Variants in UBE2G1 observed in about 807,000 individuals in gnomAD.
The protein encoded by UBE2G1 is ubiquitin-conjugating enzyme E2 G1.
A neutral mutation model predicts 22.7 loss-of-function variants in UBE2G1; 5 were observed. The ratio of observed to expected loss-of-function variants is 0.22; its 90% CI spans 0.12 to 0.46. The LOEUF (loss-of-function observed/expected upper bound fraction) is 0.46, where lower values mean the gene tolerates loss of function less well. Ranked by LOEUF, UBE2G1 falls within the 20% of genes least tolerant of loss-of-function variation. The pLI, the probability that UBE2G1 is intolerant of heterozygous loss-of-function variation, is 0.99. For synonymous variants in UBE2G1, 74 were observed against 67.5 expected, an observed-to-expected ratio of 1.10 and a Z score of -0.47; for missense variants, 88 against 203.9, an observed-to-expected ratio of 0.43 and a Z score of 3.46.
chr17:4,292,782 AAACT>A (rs1381685762), intron 3 of UBE2G1, among the ~76,000 whole-genome samples: 1 of 152,226 alleles, frequency 6.6e-6, no homozygotes, highest in African/African-American at 2.4e-5. Flanking sequence ...TTCCGTAGGA[AAACT>A]AACCCATTCA....
intron 1 of UBE2G1, among the ~76,000 whole-genome samples, chr17:4,363,518 A>G (rs1416000191): frequency 6.6e-6 from 1 of 152,232 alleles, no homozygotes; most frequent in Non-Finnish European, 1.5e-5. Flanking sequence ...CCAGATGACC[A>G]TCAAAATCTA....
intron 2 of UBE2G1, chr17:4,302,099 G>A (rs935664642): frequency 3.8e-6 from 2 of 524,654 alleles, no homozygotes; most frequent in African/African-American, 3.9e-5. Flanking sequence ...CCTTACCCCT[G>A]TGGCTCATAT....
chr17:4,356,357 A>C (rs1394028526), intron 1 of UBE2G1, among the ~76,000 whole-genome samples: 2 of 150,466 alleles, frequency 1.3e-5, no homozygotes, highest in Non-Finnish European at 3.0e-5. Flanking sequence ...AAACTGTCTC[A>C]AAAAAAAAAT....
At chr17:4,365,616 C>A (rs1036232430) in intron 1 of UBE2G1, among the ~76,000 whole-genome samples, 4 of 152,056 alleles carry the variant, frequency 2.6e-5, no homozygotes, top group African/African-American at 7.2e-5. Flanking sequence ...CTCCTACCCT[C>A]CCCCAGCCGG....
At chr17:4,324,709 T>C (rs563719877) in intron 1 of UBE2G1, among the ~76,000 whole-genome samples, 76 of 152,118 alleles carry the variant, frequency 5.0e-4, no homozygotes, top group Middle Eastern at 3.4e-3. Flanking sequence ...TGAGCCACCA[T>C]GTCCAGCCAG....
At chr17:4,304,455 T>A (rs764811307) in intron 2 of UBE2G1, among the ~76,000 whole-genome samples, 47 of 152,292 alleles carry the variant, frequency 3.1e-4, no homozygotes, top group South Asian at 6.2e-4. Flanking sequence ...TAGGGACTAC[T>A]GCACTGGAAA....
At chr17:4,340,478 T>C (rs1017948097) in intron 1 of UBE2G1, among the ~76,000 whole-genome samples, 3 of 152,300 alleles carry the variant, frequency 2.0e-5, no homozygotes, top group East Asian at 3.9e-4. Context: ...AGGGACCTCA[T>C]GGGCTGTGAT....
chr17:4,361,428 G>A (rs1431323787), intron 1 of UBE2G1, among the ~76,000 whole-genome samples: 4 of 151,926 alleles, frequency 2.6e-5, no homozygotes, highest in African/African-American at 9.7e-5. Context: ...TACAGAGACT[G>A]AGGCAAGATA....
intron 1 of UBE2G1, among the ~76,000 whole-genome samples, chr17:4,316,848 G>GCC (rs1190000335): frequency 1.3e-5 from 2 of 151,202 alleles, no homozygotes; most frequent in African/African-American, 2.4e-5. Context: ...GCTGAGTCAG[G>GCC]AGGACTGTTT....
At chr17:4,301,723 G>A (rs1969182345) in intron 2 of UBE2G1, 8 of 665,594 alleles carry the variant, frequency 1.2e-5, no homozygotes, top group Non-Finnish European at 2.3e-5. Context: ...AAAGACTTGT[G>A]TTTGGATTGG....
At chr17:4,288,838 CA>C (rs1969001202) in intron 4 of UBE2G1, among the ~76,000 whole-genome samples, 1 of 152,052 alleles carries the variant, frequency 6.6e-6, no homozygotes, top group African/African-American at 2.4e-5. Flanking sequence ...TTAGCCATTC[CA>C]CAACATATCC....
chr17:4,365,040 T>A (rs1228979821), intron 1 of UBE2G1, among the ~76,000 whole-genome samples: 1 of 152,214 alleles, frequency 6.6e-6, no homozygotes, highest in African/African-American at 2.4e-5. Context: ...ATACAATCTG[T>A]AAGAACCCCT....
intron 1 of UBE2G1, among the ~76,000 whole-genome samples, chr17:4,351,030 C>CA (rs796508050): frequency 0.025 from 2,703 of 109,884 alleles, 43 homozygotes; most frequent in African/African-American, 0.064. Context: ...AAGACTTCGT[C>CA]AAAAAAAAAA....
chr17:4,287,062 A>C (rs1162786142), intron 4 of UBE2G1, among the ~76,000 whole-genome samples: 1 of 151,628 alleles, frequency 6.6e-6, no homozygotes, highest in Admixed American at 6.6e-5. Context: ...AAAATAAATA[A>C]ATACATACAT....
At chr17:4,299,756 T>C (rs1969152057) in intron 2 of UBE2G1, among the ~76,000 whole-genome samples, 1 of 152,094 alleles carries the variant, frequency 6.6e-6, no homozygotes. Flanking sequence ...TTTTCTCCTA[T>C]CTGTGGACCC....
intron 1 of UBE2G1, among the ~76,000 whole-genome samples, chr17:4,350,721 T>C (rs1026276136): frequency 6.6e-6 from 1 of 152,096 alleles, no homozygotes; most frequent in African/African-American, 2.4e-5. Context: ...GAGAAAATGT[T>C]TGAATCCAGC....
At chr17:4,302,038 A>C in intron 2 of UBE2G1, 3 of 475,034 alleles carry the variant, frequency 6.3e-6, no homozygotes, top group Admixed American at 2.3e-5. Flanking sequence ...GAACAACAAC[A>C]ACAAAAAAAG....
rs1969078344 is a variant in UBE2G1 at position 4,294,273 on chromosome 17, A to G, written c.247+2444T>C. On this transcript the variant is annotated intron_variant, in intron 3 of 5. Coordinates refer to ENST00000396981, the MANE Select transcript of UBE2G1 (RefSeq NM_003342.5). ...TCTACTAAAAATACAAAAATTAGCC[A>G]GGCGTGGTAGTGGACACCTGTAATC... is the stretch of plus-strand genomic sequence containing the variant. 1.3e-5 allele frequency among the ~76,000 whole-genome samples: 2 copies of G among 152,104 alleles called. 1 individual carries two copies. Among genetic ancestry groups the G allele is most frequent in the South Asian group, 4.1e-4 (2 of 4,834 alleles).
chr17:4,346,898 AT>A (rs1306338895), intron 1 of UBE2G1, among the ~76,000 whole-genome samples: 1 of 151,834 alleles, frequency 6.6e-6, no homozygotes, highest in Non-Finnish European at 1.5e-5. Context: ...CATGCCTGTA[AT>A]CCCAGCACTT....
Sources: gnomAD v4.1 joint callset for allele counts (sites outside exome capture counted in the v4.1 genomes callset) on GRCh38, gnomAD v4.1.1 for gene constraint, MANE v1.5 for transcripts, NCBI Gene and HGNC (gene_info 2026-07-23, HGNC 2026-07-21) for gene names.